Variants in HSF2BP observed in about 807,000 individuals in gnomAD.
HSF2BP encodes heat shock transcription factor 2 binding protein, also known as heat shock factor 2-binding protein.
Under a neutral mutation model 35.0 loss-of-function variants are expected in HSF2BP, and 35 were observed. That is an observed-to-expected ratio of 1.00 (90% CI 0.76 to 1.32). The LOEUF (loss-of-function observed/expected upper bound fraction) is 1.32. Ranked by LOEUF, HSF2BP falls within the 40% of genes most tolerant of loss-of-function variation. The pLI is 0.00. For missense variants in HSF2BP, 326 were observed against 321.7 expected (o/e 1.01, Z -0.10); for synonymous variants, 114 against 117.4 (o/e 0.97, Z 0.18).
chr21:43,613,209 G>A (rs1601668832), intron 7 of HSF2BP, among the ~76,000 whole-genome samples: 1 of 152,214 alleles, frequency 6.6e-6, no homozygotes, highest in South Asian at 2.1e-4. Context: ...ACTGTGGCTT[G>A]AAGATGGGGT....
At chr21:43,612,507 T>C (rs902059863) in intron 7 of HSF2BP, among the ~76,000 whole-genome samples, 11 of 151,938 alleles carry the variant, frequency 7.2e-5, no homozygotes, top group East Asian at 1.9e-4. Context: ...AAAAATTAGC[T>C]GGGCGTGGTG....
intron 7 of HSF2BP, among the ~76,000 whole-genome samples, chr21:43,604,665 ACAC>A (rs942615822): frequency 1.6e-5 from 2 of 123,938 alleles, no homozygotes; most frequent in Non-Finnish European, 3.3e-5. Context: ...CACCACACAC[ACAC>A]ACCACCACAC....
chr21:43,622,091 A>AGAC (rs2082337762), intron 6 of HSF2BP, among the ~76,000 whole-genome samples: 1 of 152,188 alleles, frequency 6.6e-6, no homozygotes, highest in African/African-American at 2.4e-5. Flanking sequence ...GATCAAAGAT[A>AGAC]AGTCATCTCT....
chr21:43,577,386 C>G (rs1183805677), intron 8 of HSF2BP, among the ~76,000 whole-genome samples: 1 of 152,200 alleles, frequency 6.6e-6, no homozygotes, highest in Non-Finnish European at 1.5e-5. Flanking sequence ...CAAAATACTT[C>G]AGCTAAAAGT....
chr21:43,600,694 T>A (rs2082041425), intron 7 of HSF2BP, among the ~76,000 whole-genome samples: 2 of 152,174 alleles, frequency 1.3e-5, no homozygotes, highest in African/African-American at 4.8e-5. Flanking sequence ...TTGTATCTAT[T>A]ATGTTACAAT....
At chr21:43,572,783 T>G (rs2081592683) in intron 8 of HSF2BP, among the ~76,000 whole-genome samples, 1 of 152,248 alleles carries the variant, frequency 6.6e-6, no homozygotes, top group South Asian at 2.1e-4. Context: ...CACATTTTCC[T>G]GTATTTGACA....
intron 3 of HSF2BP, among the ~76,000 whole-genome samples, chr21:43,650,868 C>T (rs539963355): frequency 1.3e-5 from 2 of 151,988 alleles, no homozygotes; most frequent in African/African-American, 2.4e-5. Flanking sequence ...CCATCACACC[C>T]GGCTAATTTT....
intron 7 of HSF2BP, among the ~76,000 whole-genome samples, chr21:43,610,266 AAGAC>A (rs771448389): frequency 2.0e-5 from 3 of 152,048 alleles, no homozygotes; most frequent in African/African-American, 4.8e-5. Context: ...GAGAAGGACA[AAGAC>A]AGACAGATGA....
intron 3 of HSF2BP, among the ~76,000 whole-genome samples, chr21:43,651,984 C>T (rs2082792823): frequency 6.6e-6 from 1 of 152,362 alleles, no homozygotes; most frequent in South Asian, 2.1e-4. Flanking sequence ...AGCTGGCTTA[C>T]AAGTTACTGT....
chr21:43,629,349 T>C (rs867829377), intron 6 of HSF2BP, among the ~76,000 whole-genome samples: 2 of 152,218 alleles, frequency 1.3e-5, no homozygotes, highest in South Asian at 4.1e-4. Context: ...GCAGATCACC[T>C]GAGGTCAGGA....
chr21:43,651,894 C>T (rs2082791579), intron 3 of HSF2BP, among the ~76,000 whole-genome samples: 1 of 152,198 alleles, frequency 6.6e-6, no homozygotes, highest in African/African-American at 2.4e-5. Context: ...TTTACCTTGC[C>T]CAGTCCTCCC....
In HSF2BP at chr21:43,599,246, A is replaced by G. The variant is rs191981139; in HGVS notation, c.693-6918T>C. Among the ~76,000 whole-genome samples, 683 of 152,330 alleles carry G rather than the reference A, an allele frequency of 4.5e-3. 8 individuals are homozygous for G. The highest frequency in any genetic ancestry group is 0.016 in the African/African-American group (645 of 41,558). ...CTTAAGAAGCTAAAATGAAACACAT[A>G]CTTACAACAACCATGTTGCCACCTG... On this transcript the variant is annotated intron_variant, in intron 7 of 8. Coordinates refer to ENST00000291560, the MANE Select transcript of HSF2BP (RefSeq NM_007031.2).
chr21:43,587,631 C>A (rs1208531957), intron 8 of HSF2BP, among the ~76,000 whole-genome samples: 1 of 137,658 alleles, frequency 7.3e-6, no homozygotes, highest in African/African-American at 2.7e-5. Context: ...CACCATTGCA[C>A]TCCAACCTGG....
At chr21:43,621,688 T>A (rs1425153039) in intron 6 of HSF2BP, among the ~76,000 whole-genome samples, 1 of 151,852 alleles carries the variant, frequency 6.6e-6, no homozygotes, top group East Asian at 1.9e-4. Context: ...AAACAAACAC[T>A]GAGAGAATTT....
At chr21:43,632,151 T>TCACA (rs1299740389) in intron 5 of HSF2BP, among the ~76,000 whole-genome samples, 4,385 of 13,716 alleles carry the variant, frequency 0.32, 572 homozygotes, top group African/African-American at 0.46. Context: ...ACACACACAC[T>TCACA]CACACAGTCT....
At chr21:43,636,919 T>TA (rs2082569317) in intron 4 of HSF2BP, among the ~76,000 whole-genome samples, 1 of 120,302 alleles carries the variant, frequency 8.3e-6, no homozygotes, top group East Asian at 2.4e-4. Context: ...AAAAAAGAAA[T>TA]AAAGAAAAAT....
At chr21:43,585,262 A>G (rs2081834093) in intron 8 of HSF2BP, among the ~76,000 whole-genome samples, 1 of 152,300 alleles carries the variant, frequency 6.6e-6, no homozygotes, top group Non-Finnish European at 1.5e-5. Context: ...GTCAGCTAGC[A>G]TCACTCCACT....
chr21:43,604,931 CCA>C (rs34790848), intron 7 of HSF2BP, among the ~76,000 whole-genome samples: 3 of 144,014 alleles, frequency 2.1e-5, no homozygotes, highest in South Asian at 2.2e-4. Flanking sequence ...ACATCACATA[CCA>C]CAGACATCAC....
chr21:43,644,580 TCA>T (rs1156639119), intron 3 of HSF2BP, among the ~76,000 whole-genome samples, 188 bp from the exon 4 acceptor site: 2 of 152,258 alleles, frequency 1.3e-5, no homozygotes, highest in Non-Finnish European at 2.9e-5. Context: ...TAAGTTCATC[TCA>T]GTTTTTAGCC....
Sources: gnomAD v4.1 joint callset for allele counts (sites outside exome capture counted in the v4.1 genomes callset) on GRCh38, gnomAD v4.1.1 for gene constraint, MANE v1.5 for transcripts, NCBI Gene and HGNC (gene_info 2026-07-23, HGNC 2026-07-21) for gene names.